The following TRIM44 variants were observed in gnomAD, a reference collection of about 807,000 sequenced individuals.
TRIM44 encodes tripartite motif containing 44.
Under a neutral mutation model 37.4 loss-of-function variants are expected in TRIM44, and 13 were observed. The observed-to-expected ratio is 0.35, with a 90% CI of 0.23 to 0.55. The LOEUF (loss-of-function observed/expected upper bound fraction) is 0.55. Ranked by LOEUF, TRIM44 falls within the 20% of genes least tolerant of loss-of-function variation. The pLI is 0.89. For synonymous variants in TRIM44, 175 were observed against 157.2 expected, an observed-to-expected ratio of 1.11 and a Z score of -0.85; for missense variants, 426 against 437.2, an observed-to-expected ratio of 0.97 and a Z score of 0.23.
chr11:35,793,809 T>G (rs1853248015), intron 4 of TRIM44, among the ~76,000 whole-genome samples: 1 of 152,164 alleles, frequency 6.6e-6, no homozygotes, highest in African/African-American at 2.4e-5. Flanking sequence ...CAGCGCTGCC[T>G]AGGATTGTGG....
At chr11:35,699,525 C>G (rs1408246057) in intron 2 of TRIM44, among the ~76,000 whole-genome samples, 1 of 151,992 alleles carries the variant, frequency 6.6e-6, no homozygotes, top group Non-Finnish European at 1.5e-5. Context: ...TGGAAGCATT[C>G]CCTTTGAAAA....
intron 4 of TRIM44, among the ~76,000 whole-genome samples, chr11:35,785,770 T>C (rs1853124365): frequency 6.6e-6 from 1 of 152,242 alleles, no homozygotes; most frequent in Non-Finnish European, 1.5e-5. Flanking sequence ...CAAAGCCATT[T>C]GCATCAATTC....
rs1041182954 is a variant in TRIM44, at chr11:35,775,577, G to T, written c.1008-30781G>T. 3.3e-5 allele frequency among the ~76,000 whole-genome samples: 5 copies of T among 152,146 alleles called. No individual in the cohort carries two copies. In the East Asian group the frequency reaches 9.6e-4, roughly 29 times the overall value. On this transcript the variant is annotated intron_variant, in intron 4 of 4. Coordinates refer to ENST00000299413, the MANE Select transcript of TRIM44 (RefSeq NM_017583.6). ...TTCGAAGGGAATGCTTCCAGTTTTT[G>T]CCCATTCAGTATGATATTGGCTGTG...
intron 4 of TRIM44, among the ~76,000 whole-genome samples, chr11:35,802,496 G>T (rs1554939688): frequency 6.6e-6 from 1 of 152,158 alleles, no homozygotes; most frequent in Non-Finnish European, 1.5e-5. Context: ...TTTCTGAGAA[G>T]GTAAGTTTTA....
Position 35,807,584 on chromosome 11 carries a change from G to A in TRIM44, c.*1199G>A, listed in dbSNP as rs1853469254. On this transcript the variant is annotated 3_prime_UTR_variant, in exon 5 of 5. Coordinates refer to ENST00000299413, the MANE Select transcript of TRIM44 (RefSeq NM_017583.6). ...CCGAGTAAGCAGGGATGTACTAGGGGAATGTAAAACTGCAAACTTAAAAAC... is the reference window on the plus strand; with the variant it reads ...CCGAGTAAGCAGGGATGTACTAGGGAAATGTAAAACTGCAAACTTAAAAAC... 1 of 152,108 alleles carries A rather than the reference G, an allele frequency of 6.6e-6. No homozygotes were observed. Among genetic ancestry groups the A allele is most frequent in the Non-Finnish European group, 1.5e-5 (1 of 68,030 alleles). The allele number at this position is 152,108 out of a possible 1,614,324, so 9.4% of individuals were successfully genotyped here.
Position 35,817,776 on chromosome 11 carries a change from C to A in TRIM44, c.*11391C>A, listed in dbSNP as rs1258825002. The A allele has an allele frequency of 6.6e-6, 1 of 152,112 alleles. No individual in the cohort carries two copies. The highest frequency in any genetic ancestry group is 1.5e-5 in the Non-Finnish European group (1 of 68,038). The allele number at this position is 152,112 out of a possible 1,614,324, so 9.4% of individuals were successfully genotyped here. A position where few individuals can be genotyped will look rare whatever the true frequency, so the allele number is the denominator to read the frequency against. On this transcript the variant is annotated 3_prime_UTR_variant, in exon 5 of 5. Coordinates refer to ENST00000299413, the MANE Select transcript of TRIM44 (RefSeq NM_017583.6). ...GAGTTTTCTCATGATTTAACAACAT[C>A]CGCCCTTTGTTGTCATGATAGTGAG...
intron 3 of TRIM44, among the ~76,000 whole-genome samples, chr11:35,727,028 C>G (rs1465879403): frequency 6.6e-6 from 1 of 151,776 alleles, no homozygotes; most frequent in Non-Finnish European, 1.5e-5. Flanking sequence ...CAGACATGGT[C>G]TCACCTGCCT....
In TRIM44 at chr11:35,663,159, C is replaced by G. The variant is rs141513598; in HGVS notation, c.48C>G (p.Gly16=). Residue 16 remains glycine (G), a synonymous_variant, in exon 1 of 5, where the codon GGC becomes GGG. Transcript: ENST00000299413. ...CCTTCGAGGAACTGCCTCACGACGG[C>G]ACGTGTGACGAGTGCGAGCCCGACG... is the stretch of plus-strand genomic sequence containing the variant. ...GAAFEELPHD[G]TCDECEPDEA... is the part of the protein sequence containing the mutation. 8.2e-5 allele frequency: 128 copies of G among 1,555,376 alleles called. 1 individual carries two copies. The African/African-American group carries it at 1.5e-3, about 18-fold the overall frequency.
intron 1 of TRIM44, among the ~76,000 whole-genome samples, chr11:35,666,536 T>A (rs1851334300): frequency 6.6e-6 from 1 of 152,204 alleles, no homozygotes; most frequent in Non-Finnish European, 1.5e-5. Flanking sequence ...AGTTTTATAT[T>A]TTTTTCCTCA....
In TRIM44 at chr11:35,815,414, ATAG is replaced by A. The variant is rs1453716975; in HGVS notation, c.*9033_*9035del. 4.6e-5 allele frequency: 7 copies of A among 152,170 alleles called. No individual in the cohort carries two copies. Among genetic ancestry groups the A allele is most frequent in the African/African-American group, 1.7e-4 (7 of 41,446 alleles). The allele number at this position is 152,170 out of a possible 1,614,324, so 9.4% of individuals were successfully genotyped here. On this transcript the variant is annotated 3_prime_UTR_variant, in exon 5 of 5. Coordinates refer to ENST00000299413, the MANE Select transcript of TRIM44 (RefSeq NM_017583.6). The stretch of plus-strand genomic sequence containing the variant: ...AACAAGATTGCTCTTTGACTTGGTG[ATAG>A]TAGGGCAATAGGGAGTGTCAGTAGG...
rs1853483019 is a variant in TRIM44 at position 35,808,372 on chromosome 11, G to A, written c.*1987G>A. On this transcript the variant is annotated 3_prime_UTR_variant, in exon 5 of 5. Transcript: ENST00000299413. ...AAAGTACCCTAAAAGAAGGACCAGT[G>A]GCCACTCTCGAAAAAATTTAAGTAT... 6.6e-6 allele frequency: 1 copy of A among 152,096 alleles called. No individual in the cohort carries two copies. The highest frequency in any genetic ancestry group is 1.9e-4 in the East Asian group (1 of 5,172). The allele number at this position is 152,096 out of a possible 1,614,324, so 9.4% of individuals were successfully genotyped here.
In TRIM44 at chr11:35,814,464, G is replaced by C. The variant is rs1361622170; in HGVS notation, c.*8079G>C. On this transcript the variant is annotated 3_prime_UTR_variant, in exon 5 of 5. Coordinates refer to ENST00000299413, the MANE Select transcript of TRIM44 (RefSeq NM_017583.6). Reference sequence around the variant, plus strand: ...TGCCAATACTAAGCCCTGGAACGAAGATAGGATTCATTTCTCATGGATTAT... The same window carrying C: ...TGCCAATACTAAGCCCTGGAACGAACATAGGATTCATTTCTCATGGATTAT... The C allele has an allele frequency of 6.6e-6, 1 of 152,174 alleles. No individual in the cohort carries two copies. The highest frequency in any genetic ancestry group is 1.5e-5 in the Non-Finnish European group (1 of 68,036). The allele number at this position is 152,174 out of a possible 1,614,324, so 9.4% of individuals were successfully genotyped here.
rs111480708 is a variant in TRIM44, at chr11:35,750,591, G to T, written c.1007+15146G>T. Among the ~76,000 whole-genome samples, 6 of 152,188 alleles carry T rather than the reference G, an allele frequency of 3.9e-5. No individual in the cohort carries two copies. The East Asian group carries it at 1.2e-3, about 29-fold the overall frequency. ...CCTGACATTCCCACACTTATTGACC[G>T]TAAGACTCTTAACCCCATCACATAA... is the stretch of plus-strand genomic sequence containing the variant. On this transcript the variant is annotated intron_variant, in intron 4 of 4. Coordinates refer to ENST00000299413, the MANE Select transcript of TRIM44 (RefSeq NM_017583.6).
intron 4 of TRIM44, among the ~76,000 whole-genome samples, chr11:35,792,354 A>G (rs1853226847): frequency 1.3e-5 from 2 of 152,208 alleles, no homozygotes; most frequent in African/African-American, 4.8e-5. Flanking sequence ...CAGATGAGGA[A>G]ACTGAGGCCT....
chr11:35,699,598 G>C (rs190044957), intron 2 of TRIM44, among the ~76,000 whole-genome samples: 1 of 151,820 alleles, frequency 6.6e-6, no homozygotes, highest in Non-Finnish European at 1.5e-5. Context: ...GAAAGTCCTG[G>C]CCAGGGCAAT....
At chr11:35,673,253 C>T (rs1041867680) in intron 1 of TRIM44, among the ~76,000 whole-genome samples, 2 of 152,172 alleles carry the variant, frequency 1.3e-5, no homozygotes, top group African/African-American at 4.8e-5. Flanking sequence ...CATCTCTGAG[C>T]ATATGATATT....
At chr11:35,703,774 T>C (rs1851832232) in intron 2 of TRIM44, among the ~76,000 whole-genome samples, 1 of 151,872 alleles carries the variant, frequency 6.6e-6, no homozygotes, top group African/African-American at 2.4e-5. Flanking sequence ...ATCACCATCA[T>C]CAAAGACCAA....
chr11:35,742,676 T>TA (rs1852423038), intron 4 of TRIM44, among the ~76,000 whole-genome samples: 1 of 121,668 alleles, frequency 8.2e-6, no homozygotes, highest in African/African-American at 4.3e-5. Flanking sequence ...ATTAATTGTA[T>TA]TATATATAAT....
At chr11:35,674,543 T>C (rs933179008) in intron 1 of TRIM44, among the ~76,000 whole-genome samples, 1 of 152,162 alleles carries the variant, frequency 6.6e-6, no homozygotes, top group African/African-American at 2.4e-5. Flanking sequence ...TTCAGATGGG[T>C]TTAGTTAGTT....
Sources: gnomAD v4.1 joint callset for allele counts (sites outside exome capture counted in the v4.1 genomes callset) on GRCh38, gnomAD v4.1.1 for gene constraint, MANE v1.5 for transcripts, NCBI Gene and HGNC (gene_info 2026-07-23, HGNC 2026-07-21) for gene names.